Variants in DPYD observed in about 807,000 individuals in gnomAD.
DPYD encodes dihydropyrimidine dehydrogenase.
A neutral mutation model predicts 116.2 loss-of-function variants in DPYD; 109 were observed. That is an observed-to-expected ratio of 0.94 (90% CI 0.80 to 1.10). The LOEUF is 1.10. Ranked by LOEUF, DPYD falls within the 50% of genes least tolerant of loss-of-function variation. The pLI is 0.00. For missense variants in DPYD, 1,302 were observed against 1,254.5 expected (o/e 1.04, Z -0.57); for synonymous variants, 440 against 432.0 (o/e 1.02, Z -0.23).
At chr1:97,389,347 A>G (rs1295535055) in intron 14 of DPYD, among the ~76,000 whole-genome samples, 1 of 151,850 alleles carries the variant, frequency 6.6e-6, no homozygotes. Flanking sequence ...AGAAAGGGAA[A>G]GCAAATTTAC....
intron 19 of DPYD, among the ~76,000 whole-genome samples, chr1:97,194,970 T>G (rs933847485): frequency 6.6e-6 from 1 of 152,096 alleles, no homozygotes; most frequent in African/African-American, 2.4e-5. Context: ...GGGATTTGAG[T>G]TAAAGCTTGA....
chr1:97,106,058 A>G (rs1651115642), intron 20 of DPYD, among the ~76,000 whole-genome samples: 1 of 152,094 alleles, frequency 6.6e-6, no homozygotes, highest in Non-Finnish European at 1.5e-5. Flanking sequence ...GGAACACCAG[A>G]TATTTGAAAA....
intron 14 of DPYD, among the ~76,000 whole-genome samples, chr1:97,404,677 T>C (rs1372177888): frequency 6.6e-6 from 1 of 152,132 alleles, no homozygotes; most frequent in Non-Finnish European, 1.5e-5. Context: ...CTATGTGTTT[T>C]TGTATTGAAA....
intron 20 of DPYD, among the ~76,000 whole-genome samples, chr1:97,160,453 A>G (rs888486482): frequency 1.3e-5 from 2 of 152,086 alleles, no homozygotes; most frequent in African/African-American, 4.8e-5. Flanking sequence ...ACTCGTTAAT[A>G]TACTACCTGA....
intron 9 of DPYD, among the ~76,000 whole-genome samples, chr1:97,594,204 A>G (rs562880084): frequency 2.0e-5 from 3 of 152,346 alleles, no homozygotes; most frequent in Admixed American, 6.5e-5. Context: ...TATAATTTCA[A>G]TAAGTGTAAT....
intron 18 of DPYD, among the ~76,000 whole-genome samples, chr1:97,259,713 A>G (rs1663750421): frequency 6.6e-6 from 1 of 152,154 alleles, no homozygotes; most frequent in African/African-American, 2.4e-5. Flanking sequence ...GAAGCAGTGA[A>G]ATAATAAAAC....
intron 2 of DPYD, among the ~76,000 whole-genome samples, chr1:97,869,858 T>C (rs1263726792): frequency 1.3e-5 from 2 of 151,874 alleles, no homozygotes; most frequent in Non-Finnish European, 2.9e-5. Flanking sequence ...TCTTCATTTC[T>C]TTCATGTGAA....
At chr1:97,574,758 G>A (rs974873116) in intron 10 of DPYD, among the ~76,000 whole-genome samples, 1 of 152,106 alleles carries the variant, frequency 6.6e-6, no homozygotes, top group Non-Finnish European at 1.5e-5. Flanking sequence ...AATGCAATCA[G>A]AAGTACTATG....
At chr1:97,229,546 GTATATATATATATATA>G (rs55638142) in intron 19 of DPYD, among the ~76,000 whole-genome samples, 1,754 of 58,150 alleles carry the variant, frequency 0.03, 51 homozygotes, top group South Asian at 0.13. Flanking sequence ...ACCATCCTAA[GTATATATATATATATA>G]TATATATATA....
chr1:97,757,105 T>G (rs1162902474), intron 3 of DPYD, among the ~76,000 whole-genome samples: 8 of 152,204 alleles, frequency 5.3e-5, no homozygotes, highest in Non-Finnish European at 1.0e-4. Context: ...GGACATTCAT[T>G]CATTCAACGA....
intron 3 of DPYD, among the ~76,000 whole-genome samples, chr1:97,810,300 A>G: frequency 6.6e-6 from 1 of 150,998 alleles, no homozygotes; most frequent in Non-Finnish European, 1.5e-5. Context: ...AAAAAAAAAA[A>G]AAAAAAGAAG....
At chr1:97,105,710 T>C (rs1651087489) in intron 20 of DPYD, among the ~76,000 whole-genome samples, 2 of 152,058 alleles carry the variant, frequency 1.3e-5, no homozygotes, top group East Asian at 1.9e-4. Flanking sequence ...ACATACGTCA[T>C]TGTAAGGAGA....
At chr1:97,342,010 A>T (rs1216918062) in intron 16 of DPYD, among the ~76,000 whole-genome samples, 1 of 152,226 alleles carries the variant, frequency 6.6e-6, no homozygotes, top group Non-Finnish European at 1.5e-5. Flanking sequence ...CGAAGTTTAG[A>T]ATCTCATACT....
At chr1:97,211,765 T>C (rs1057186202) in intron 19 of DPYD, among the ~76,000 whole-genome samples, 2 of 152,004 alleles carry the variant, frequency 1.3e-5, no homozygotes, top group African/African-American at 2.4e-5. Flanking sequence ...ATGCCTTAAT[T>C]AGGCAGACTT....
In DPYD at chr1:97,685,914, T is replaced by C. The variant is rs186207300; in HGVS notation, c.762+5803A>G. On this transcript the variant is annotated intron_variant, in intron 7 of 22. Coordinates refer to ENST00000370192, the MANE Select transcript of DPYD (RefSeq NM_000110.4). ...ACAATAGGCATCCTGCCCGAAGCAA[T>C]TTATACATTCAATGCTATTCCCATT... is the stretch of plus-strand genomic sequence containing the variant. Among the ~76,000 whole-genome samples the C allele has an allele frequency of 3.8e-3, 582 of 152,268 alleles. 2 individuals carry two copies. The highest frequency in any genetic ancestry group is 0.012 in the African/African-American group (507 of 41,538).
At chr1:97,120,650 GAAAA>G (rs1250225769) in intron 20 of DPYD, among the ~76,000 whole-genome samples, 1 of 152,156 alleles carries the variant, frequency 6.6e-6, no homozygotes, top group Non-Finnish European at 1.5e-5. Context: ...AGGAAAATGT[GAAAA>G]TGCTCTGAGT....
At chr1:97,697,517 A>G (rs1396093442) in intron 6 of DPYD, among the ~76,000 whole-genome samples, 1 of 152,078 alleles carries the variant, frequency 6.6e-6, no homozygotes, top group African/African-American at 2.4e-5. Context: ...TAATCCTGTA[A>G]CAGTGACACA....
intron 16 of DPYD, among the ~76,000 whole-genome samples, chr1:97,356,034 T>C (rs563583800): frequency 6.6e-6 from 1 of 152,304 alleles, no homozygotes; most frequent in South Asian, 2.1e-4. Context: ...TATACTAATT[T>C]ACATTTCCAC....
intron 18 of DPYD, among the ~76,000 whole-genome samples, chr1:97,256,931 T>C (rs1663517495): frequency 6.6e-6 from 1 of 152,106 alleles, no homozygotes. Flanking sequence ...TTAAAATATC[T>C]ACACCCTTCC....
Sources: gnomAD v4.1 joint callset for allele counts (sites outside exome capture counted in the v4.1 genomes callset) on GRCh38, gnomAD v4.1.1 for gene constraint, MANE v1.5 for transcripts, NCBI Gene and HGNC (gene_info 2026-07-23, HGNC 2026-07-21) for gene names.